COL22A1: variants seen among roughly 807,000 people sequenced by gnomAD.
COL22A1 encodes collagen type XXII alpha 1 chain.
A neutral mutation model predicts 248.9 loss-of-function variants in COL22A1; 221 were observed. That is an observed-to-expected ratio of 0.89 (90% confidence interval 0.80 to 0.99). The LOEUF (loss-of-function observed/expected upper bound fraction) is 0.99. Ranked by LOEUF, COL22A1 falls within the 50% of genes least tolerant of loss-of-function variation. The probability of loss-of-function intolerance (pLI) is 0.00; values close to 1 mark genes in which losing one functional copy is unlikely to be tolerated. For missense variants in COL22A1, 2,240 were observed against 2,179.0 expected (o/e 1.03, Z -0.56); for synonymous variants, 891 against 793.4 (o/e 1.12, Z -2.07).
At chr8:138,810,707 C>T (rs1263848061) in intron 9 of COL22A1, among the ~76,000 whole-genome samples, 1 of 152,098 alleles carries the variant, frequency 6.6e-6, no homozygotes, top group African/African-American at 2.4e-5. Context: ...CTGGGTAGCA[C>T]AAAAAGAAGG....
intron 1 of COL22A1, among the ~76,000 whole-genome samples, chr8:138,886,407 G>C (rs1179121090): frequency 6.6e-6 from 1 of 151,904 alleles, no homozygotes; most frequent in African/African-American, 2.4e-5. Context: ...GGGGAAGGAA[G>C]AGAGAAAGGA....
rs753912062 is a variant in COL22A1 at position 138,844,083 on chromosome 8, C to G, written c.733+1G>C. On this transcript the variant is annotated splice_donor_variant, in intron 4 of 64. Coordinates refer to ENST00000303045, the MANE Select transcript of COL22A1 (RefSeq NM_152888.3). LOFTEE classifies it high-confidence loss of function. ...ACACGTGGTTATTGTTTTTCCCTTA[C>G]CTGTGATTTCCTTGGTTCCTCCATT... 6.2e-7 allele frequency: 1 copy of G among 1,613,426 alleles called. No individual in the cohort carries two copies. The highest frequency in any genetic ancestry group is 8.5e-7 in the Non-Finnish European group (1 of 1,179,424).
intron 4 of COL22A1, among the ~76,000 whole-genome samples, chr8:138,840,890 G>T (rs1176790861): frequency 1.3e-5 from 2 of 152,128 alleles, no homozygotes; most frequent in Non-Finnish European, 2.9e-5. Flanking sequence ...AGTATCACAG[G>T]CGTGAGCCAC....
At chr8:138,865,971 A>T (rs569462812) in intron 3 of COL22A1, among the ~76,000 whole-genome samples, 1 of 150,332 alleles carries the variant, frequency 6.7e-6, no homozygotes, top group Non-Finnish European at 1.5e-5. Flanking sequence ...GTGTGAGTAT[A>T]TGTGTGTGTG....
intron 39 of COL22A1, among the ~76,000 whole-genome samples, chr8:138,682,754 C>T (rs1215963771): frequency 6.6e-6 from 1 of 152,190 alleles, no homozygotes; most frequent in African/African-American, 2.4e-5. Flanking sequence ...TGCTGGAATG[C>T]AATGGCATGA....
chr8:138,699,707 C>T (rs556256684), intron 32 of COL22A1, among the ~76,000 whole-genome samples: 1 of 152,270 alleles, frequency 6.6e-6, no homozygotes, highest in East Asian at 1.9e-4. Flanking sequence ...CTCTTGACAC[C>T]CCTGTCTCTG....
chr8:138,710,227 G>A (rs556707507), intron 30 of COL22A1, among the ~76,000 whole-genome samples: 17 of 152,266 alleles, frequency 1.1e-4, no homozygotes, highest in South Asian at 2.1e-4. Context: ...AGGAAAGGAC[G>A]TCACTGAGCT....
chr8:138,837,300 G>A (rs1021235925), intron 4 of COL22A1, among the ~76,000 whole-genome samples: 7 of 152,176 alleles, frequency 4.6e-5, no homozygotes, highest in Admixed American at 6.5e-5. Context: ...GGGAGCAGCC[G>A]CCACACCTAC....
intron 1 of COL22A1, among the ~76,000 whole-genome samples, chr8:138,911,293 T>C (rs1273241234): frequency 6.6e-6 from 1 of 152,212 alleles, no homozygotes; most frequent in African/African-American, 2.4e-5. Context: ...AGGGCAGCCC[T>C]CCAAATGGCT....
intron 49 of COL22A1, among the ~76,000 whole-genome samples, chr8:138,633,014 C>T (rs770259641): frequency 6.6e-6 from 1 of 152,114 alleles, no homozygotes; most frequent in Non-Finnish European, 1.5e-5. Flanking sequence ...AAAATAAATA[C>T]TAAAAGAAAG....
intron 1 of COL22A1, among the ~76,000 whole-genome samples, chr8:138,895,774 T>C (rs1445654706): frequency 6.6e-6 from 1 of 152,200 alleles, no homozygotes; most frequent in Non-Finnish European, 1.5e-5. Flanking sequence ...TGGTAAATTC[T>C]CAAACTTGCT....
intron 21 of COL22A1, 122 bp from the exon 22 acceptor site, chr8:138,751,633 T>C (rs1345201683): frequency 3.4e-6 from 2 of 580,166 alleles, no homozygotes; most frequent in African/African-American, 1.9e-5. Context: ...CCCATTCTGA[T>C]GGGGAAATTC....
At position 138,829,403 on chromosome 8, in the gene COL22A1, G is replaced by GTTTTTTTTTTTT. The variant is rs765618552; in HGVS notation, c.846-2634_846-2623dup. ...CTTTTCTTTATTTCCTTCCTTTCCT[G>GTTTTTTTTTTTT]TTTTTTTTTTTTTTTTTTTTTGAGA... On this transcript the variant is annotated intron_variant, in intron 5 of 64. Coordinates refer to ENST00000303045, the MANE Select transcript of COL22A1 (RefSeq NM_152888.3). Among the ~76,000 whole-genome samples, 48 of 90,654 alleles carry GTTTTTTTTTTTT rather than the reference G, an allele frequency of 5.3e-4. 5 individuals are homozygous for GTTTTTTTTTTTT. The highest frequency in any genetic ancestry group is 7.7e-4 in the East Asian group (2 of 2,598). 59.5% of individuals were successfully genotyped at this position (90,654 alleles called of 152,430 possible). A position where few individuals can be genotyped will look rare whatever the true frequency, so the allele number is the denominator to read the frequency against.
At chr8:138,700,185 G>C in intron 31 of COL22A1, 41 bp from the exon 32 acceptor site, 1 of 1,601,470 alleles carries the variant, frequency 6.2e-7, no homozygotes, top group Non-Finnish European at 8.5e-7. Context: ...TGGGCATCAA[G>C]GAACCCAGTG....
intron 23 of COL22A1, among the ~76,000 whole-genome samples, chr8:138,725,776 CACACA>C (rs1349361029): frequency 1.3e-5 from 2 of 151,792 alleles, no homozygotes; most frequent in Non-Finnish European, 2.9e-5. Flanking sequence ...CACACACACA[CACACA>C]CACACACACA....
At chr8:138,812,173 C>T (rs1213715862) in intron 8 of COL22A1, among the ~76,000 whole-genome samples, 1 of 152,238 alleles carries the variant, frequency 6.6e-6, no homozygotes, top group Non-Finnish European at 1.5e-5. Context: ...TTCCCGCTGT[C>T]CCTATTCTCA....
At chr8:138,593,215 CG>C (rs1255610550) in intron 63 of COL22A1, among the ~76,000 whole-genome samples, 2 of 151,858 alleles carry the variant, frequency 1.3e-5, no homozygotes, top group African/African-American at 2.4e-5. Context: ...CAGGGCCTGT[CG>C]GGGGGTGGGG....
At chr8:138,889,774 C>T (rs997187078) in intron 1 of COL22A1, among the ~76,000 whole-genome samples, 18 of 152,196 alleles carry the variant, frequency 1.2e-4, no homozygotes, top group South Asian at 2.1e-4. Context: ...CCAGTGAGGG[C>T]GGGAAATAAA....
At chr8:138,738,896 C>T (rs1831332290) in intron 22 of COL22A1, among the ~76,000 whole-genome samples, 1 of 152,142 alleles carries the variant, frequency 6.6e-6, no homozygotes, top group African/African-American at 2.4e-5. Context: ...CCGGAATCTC[C>T]AACTCAGGCA....
Sources: allele counts gnomAD v4.1 joint callset (sites outside exome capture counted in the v4.1 genomes callset), GRCh38; gene constraint gnomAD v4.1.1; transcripts MANE v1.5; gene names NCBI Gene and HGNC (gene_info 2026-07-23, HGNC 2026-07-21).